Variants in PJA2 observed in about 807,000 individuals in gnomAD.
The protein encoded by PJA2 is E3 ubiquitin-protein ligase Praja-2.
PJA2 carries 25 observed loss-of-function variants against 69.3 expected under a neutral mutation model. That is an observed-to-expected ratio of 0.36 (90% CI 0.26 to 0.50). PJA2 has a LOEUF of 0.50. PJA2 is among the 20% of genes least tolerant of loss of function. The probability of loss-of-function intolerance (pLI) is 0.96; values close to 1 mark genes in which losing one functional copy is unlikely to be tolerated. For synonymous variants in PJA2, 308 were observed against 277.8 expected (o/e 1.11, Z -1.08); for missense variants, 809 against 830.2 (o/e 0.97, Z 0.31).
At chr5:109,369,161 T>C (rs1561352831) in intron 4 of PJA2, among the ~76,000 whole-genome samples, 1 of 152,136 alleles carries the variant, frequency 6.6e-6, no homozygotes. Flanking sequence ...TATGAACCAA[T>C]TAAACCTCTT....
At chr5:109,342,710 C>G (rs1762097964) in intron 9 of PJA2, among the ~76,000 whole-genome samples, 1 of 133,618 alleles carries the variant, frequency 7.5e-6, no homozygotes, top group African/African-American at 3.0e-5. Flanking sequence ...TGGGGGGAGT[C>G]AGCCCCCCCG....
chr5:109,383,369 A>T (rs1481554225), intron 2 of PJA2, 34 bp downstream of exon 2: 3 of 1,604,704 alleles, frequency 1.9e-6, no homozygotes, highest in South Asian at 1.1e-5. Flanking sequence ...AAAAAACAAG[A>T]AGTACTCAAT....
rs1044729029 is a variant in PJA2 at position 109,335,014 on chromosome 5, T to C, written c.*2217A>G. 1 of 152,596 alleles carries C rather than the reference T, an allele frequency of 6.6e-6. No homozygotes were observed. Among genetic ancestry groups the C allele is most frequent in the African/African-American group, 2.4e-5 (1 of 41,450 alleles). 9.5% of individuals were successfully genotyped at this position (152,596 alleles called of 1,614,324 possible). A position where few individuals can be genotyped will look rare whatever the true frequency, so the allele number is the denominator to read the frequency against. On this transcript the variant is annotated 3_prime_UTR_variant, in exon 10 of 10. Coordinates refer to ENST00000361189, the MANE Select transcript of PJA2 (RefSeq NM_014819.5). The stretch of plus-strand genomic sequence containing the variant: ...AATAAAATTAGGTTAAGTCACAACA[T>C]AAAATAGAGAAATAAGATAAATGCT...
chr5:109,365,563 T>TTTTATTG (rs1307010486), intron 5 of PJA2, among the ~76,000 whole-genome samples: 1 of 139,140 alleles, frequency 7.2e-6, no homozygotes, highest in Non-Finnish European at 1.6e-5. Context: ...TAAACTCACT[T>TTTTATTG]TTTATTGTTG....
intron 1 of PJA2, among the ~76,000 whole-genome samples, chr5:109,407,169 T>G (rs1444860618): frequency 8.5e-5 from 13 of 152,192 alleles, no homozygotes. Flanking sequence ...CAAAATACAC[T>G]GTACATTTCA....
At chr5:109,341,994 G>T (rs1762073865) in intron 9 of PJA2, among the ~76,000 whole-genome samples, 1 of 137,354 alleles carries the variant, frequency 7.3e-6, no homozygotes. Context: ...CCGTCCGGGA[G>T]GGAGGTGGGG....
In PJA2 at chr5:109,381,677, C is replaced by G. The variant is rs377546201; in HGVS notation, c.58G>C (p.Val20Leu). 4 of 1,613,872 alleles carry G rather than the reference C, an allele frequency of 2.5e-6. No homozygotes were observed. The highest frequency in any genetic ancestry group is 3.4e-6 in the Non-Finnish European group (4 of 1,179,998). The change falls in exon 3 of 10, where the codon GTC becomes CTC. Residue 20 changes from valine (V) to leucine (L), a missense_variant. By Grantham distance (32) the Val-to-Leu change is conservative (BLOSUM62 1). This residue lies in a region of PJA2 where 700 missense variants were observed against 639.5 expected (regional missense o/e 1.09). Coordinates refer to ENST00000361189, the MANE Select transcript of PJA2 (RefSeq NM_014819.5). ...TACCCTCCTGCTGGTTTGGGCCAGA[C>G]AGCCTTACCAGATTCTTGGTCCATT... ...AAMDQESGKA[V>L]WPKPAGGYQT...
chr5:109,369,940 G>C (rs960399176), intron 4 of PJA2, among the ~76,000 whole-genome samples: 2 of 151,062 alleles, frequency 1.3e-5, no homozygotes, highest in Non-Finnish European at 2.9e-5. Context: ...GCTGAGGCAG[G>C]AGTTCAGCTT....
At chr5:109,342,822 A>G (rs1582581403) in intron 9 of PJA2, among the ~76,000 whole-genome samples, 1 of 63,528 alleles carries the variant, frequency 1.6e-5, no homozygotes, top group African/African-American at 6.9e-5. Context: ...CCCGTCCGGG[A>G]GGGAGGTTGG....
At chr5:109,342,841 C>A (rs1762100967) in intron 9 of PJA2, among the ~76,000 whole-genome samples, 1 of 56,120 alleles carries the variant, frequency 1.8e-5, no homozygotes. Flanking sequence ...GGGGGGTCAG[C>A]CCCCCGCCCG....
chr5:109,340,643 C>T (rs574433505), intron 9 of PJA2, among the ~76,000 whole-genome samples: 682 of 2,140 alleles, frequency 0.32, 262 homozygotes, highest in African/African-American at 0.53. Context: ...TCCCCCTCCC[C>T]CTCCCCCTCC....
intron 9 of PJA2, among the ~76,000 whole-genome samples, chr5:109,341,290 C>A (rs1252374400): frequency 6.7e-6 from 1 of 148,640 alleles, no homozygotes; most frequent in African/African-American, 2.5e-5. Context: ...CTCTGCCCCG[C>A]CGCCCCATCT....
In PJA2 at chr5:109,353,405, ATATCTATAGACATCTATATATTAGATACC is replaced by A. The variant is rs1762308716; in HGVS notation, c.1764+2481_1764+2509del. On this transcript the variant is annotated intron_variant, in intron 7 of 9. Transcript: ENST00000361189. ...ATAGACATCTATATATTAGATACCT[ATATCTATAGACATCTATATATTAGATACC>A]TATATATAGATATCTATATATTAGA... is the stretch of plus-strand genomic sequence containing the variant. 4.5e-5 allele frequency among the ~76,000 whole-genome samples: 6 copies of A among 134,620 alleles called. No individual in the cohort carries two copies. In the South Asian group the frequency reaches 1.5e-3, roughly 34 times the overall value. The allele number at this position is 134,620 out of a possible 152,430, so 88.3% of individuals were successfully genotyped here. A position where few individuals can be genotyped will look rare whatever the true frequency, so the allele number is the denominator to read the frequency against.
intron 5 of PJA2, among the ~76,000 whole-genome samples, chr5:109,365,485 G>A (rs954902210): frequency 2.0e-5 from 3 of 152,080 alleles, no homozygotes; most frequent in Admixed American, 1.3e-4. Context: ...TTATGTGTAC[G>A]GAAGATCTTT....
intron 3 of PJA2, 69 bp downstream of exon 3, chr5:109,381,434 A>C: frequency 7.2e-7 from 1 of 1,389,030 alleles, no homozygotes; most frequent in Non-Finnish European, 9.9e-7. Flanking sequence ...ATACCCACCC[A>C]AAAATTTAAT....
intron 1 of PJA2, among the ~76,000 whole-genome samples, chr5:109,400,898 G>T (rs959352768): frequency 6.6e-6 from 1 of 152,140 alleles, no homozygotes; most frequent in African/African-American, 2.4e-5. Flanking sequence ...CAGGAGACTG[G>T]CATGAACCTG....
intron 7 of PJA2, among the ~76,000 whole-genome samples, chr5:109,345,177 T>C (rs1030322227): frequency 6.2e-5 from 6 of 96,588 alleles, no homozygotes; most frequent in African/African-American, 2.4e-4. Flanking sequence ...ATCCCGTCTC[T>C]AGTAAAAAAA....
At chr5:109,387,211 T>C (rs901045451) in intron 1 of PJA2, among the ~76,000 whole-genome samples, 1 of 152,220 alleles carries the variant, frequency 6.6e-6, no homozygotes, top group Non-Finnish European at 1.5e-5. Context: ...TCTGTGATTA[T>C]TATTTAATAG....
intron 1 of PJA2, among the ~76,000 whole-genome samples, chr5:109,393,600 T>C (rs140188736): frequency 1.1e-4 from 17 of 152,186 alleles, no homozygotes; most frequent in Middle Eastern, 3.4e-3. Flanking sequence ...TAGCACTGCA[T>C]TCTGGCCTGG....
Sources: gnomAD v4.1 joint callset for allele counts (sites outside exome capture counted in the v4.1 genomes callset) on GRCh38, gnomAD v4.1.1 for gene constraint, gnomAD v4.1.1 regional missense constraint, MANE v1.5 for transcripts, NCBI Gene and HGNC (gene_info 2026-07-23, HGNC 2026-07-21) for gene names.